Variants in LRSAM1 observed in about 807,000 individuals in gnomAD.
The protein encoded by LRSAM1 is E3 ubiquitin-protein ligase LRSAM1.
Under a neutral mutation model 118.1 loss-of-function variants are expected in LRSAM1, and 96 were observed. The observed-to-expected ratio is 0.81, with a 90% CI of 0.69 to 0.96. The LOEUF (loss-of-function observed/expected upper bound fraction) is 0.96, where lower values mean the gene tolerates loss of function less well. LRSAM1 is among the 40% of genes least tolerant of loss of function. The probability of loss-of-function intolerance (pLI) is 0.00; values close to 1 mark genes in which losing one functional copy is unlikely to be tolerated. For synonymous variants in LRSAM1, 322 were observed against 364.2 expected (o/e 0.88, Z 1.32); for missense variants, 804 against 915.5 (o/e 0.88, Z 1.57).
intron 25 of LRSAM1, 75 bp downstream of exon 25, chr9:127,501,218 T>A: frequency 6.4e-7 from 1 of 1,552,342 alleles, no homozygotes; most frequent in Non-Finnish European, 8.7e-7. Flanking sequence ...TACAGGGTTG[T>A]CTCTGAACGT....
At position 127,483,042 on chromosome 9, in the gene LRSAM1, T is replaced by A. The variant is rs777564847; in HGVS notation, c.1159+22T>A. The A allele has an allele frequency of 3.6e-5, 58 of 1,605,892 alleles. No homozygotes were observed. The East Asian group carries it at 1.3e-3, about 35-fold the overall frequency. The stretch of plus-strand genomic sequence containing the variant: ...GCCTGTGAGTTTTGGGATGGGGAGC[T>A]TGTGAGCACGCTGCCTGCTGGCTGG... On this transcript the variant is annotated intron_variant, in intron 16 of 25. Coordinates refer to ENST00000300417, the MANE Select transcript of LRSAM1 (RefSeq NM_001005373.4).
intron 21 of LRSAM1, among the ~76,000 whole-genome samples, chr9:127,494,769 A>G (rs1298356473): frequency 6.6e-6 from 1 of 151,698 alleles, no homozygotes; most frequent in Non-Finnish European, 1.5e-5. Flanking sequence ...CGTGGTGAAA[A>G]CCCCATCTGT....
chr9:127,479,446 AC>A lies in LRSAM1; in HGVS notation c.847del (p.Gln283SerfsTer28). The part of the protein sequence containing the change: ...RRLELGQREH[T>X]QLLQQSSSQK... ...CCTGGAACTGGGGCAGCGGGAGCAC[AC>A]CCAGCTCCTTCAGCAGAGCAGCAGC... On this transcript the variant is annotated frameshift_variant, in exon 13 of 26. Transcript: ENST00000300417. LOFTEE classifies it high-confidence loss of function. The A allele has an allele frequency of 6.2e-7, 1 of 1,614,100 alleles. No homozygotes were observed. The highest frequency in any genetic ancestry group is 2.2e-5 in the East Asian group (1 of 44,870).
At chr9:127,459,847 C>G (rs1198939066) in intron 7 of LRSAM1, among the ~76,000 whole-genome samples, 1 of 152,252 alleles carries the variant, frequency 6.6e-6, no homozygotes, top group Admixed American at 6.5e-5. Context: ...GCATGAGCCA[C>G]TGCACCTGGC....
Position 127,461,699 on chromosome 9 carries a change from C to T in LRSAM1, c.406+442C>T, listed in dbSNP as rs564675432. Among the ~76,000 whole-genome samples, 15 of 152,304 alleles carry T rather than the reference C, an allele frequency of 9.8e-5. 1 individual carries two copies. Among genetic ancestry groups the T allele is most frequent in the South Asian group, 6.2e-4 (3 of 4,830 alleles). Reference sequence around the variant, plus strand: ...GTTTACACACGAGGAAAACAAGGCCCGGGAAATCAAGTGTGACTTGCTCAA... The same window carrying T: ...GTTTACACACGAGGAAAACAAGGCCTGGGAAATCAAGTGTGACTTGCTCAA... On this transcript the variant is annotated intron_variant, in intron 8 of 25. Coordinates refer to ENST00000300417, the MANE Select transcript of LRSAM1 (RefSeq NM_001005373.4).
chr9:127,462,477 C>T, intron 9 of LRSAM1, 104 bp downstream of exon 9: 1 of 1,565,936 alleles, frequency 6.4e-7, no homozygotes, highest in East Asian at 2.3e-5. Context: ...ACCAGGGCCA[C>T]ACAGAGATCC....
Position 127,459,049 on chromosome 9 carries a change from TG to T in LRSAM1, c.303del (p.Gln102SerfsTer2), listed in dbSNP as rs35854322. ...DNQLTALPDD[L>X]GQLTALQVLN... Reference sequence around the variant, plus strand: ...CAGCTGACAGCCCTTCCTGACGATCTGGGGCAGCTGACTGCCCTCCAGGTAA... The same window carrying T: ...CAGCTGACAGCCCTTCCTGACGATCTGGGCAGCTGACTGCCCTCCAGGTAA... On this transcript the variant is annotated frameshift_variant, in exon 7 of 26. Transcript: ENST00000300417. LOFTEE classifies it high-confidence loss of function. 6.2e-7 allele frequency: 1 copy of T among 1,613,758 alleles called. No homozygotes were observed.
intron 10 of LRSAM1, among the ~76,000 whole-genome samples, chr9:127,472,801 C>G (rs1157296370): frequency 6.6e-6 from 1 of 152,156 alleles, no homozygotes; most frequent in East Asian, 1.9e-4. Context: ...AAACTGGTCA[C>G]AGGATTTCAT....
intron 24 of LRSAM1, among the ~76,000 whole-genome samples, chr9:127,498,804 A>G (rs1294120134): frequency 6.6e-6 from 1 of 152,070 alleles, no homozygotes; most frequent in Non-Finnish European, 1.5e-5. Context: ...CACACCTGTA[A>G]TCCCAGCACT....
chr9:127,493,533 G>A (rs928778517), intron 21 of LRSAM1, among the ~76,000 whole-genome samples: 4 of 152,112 alleles, frequency 2.6e-5, no homozygotes, highest in African/African-American at 4.8e-5. Flanking sequence ...AAGGCTGTCC[G>A]TGGCCCCTAT....
In LRSAM1 at chr9:127,478,968, G is replaced by GA. The variant is rs2132060965; in HGVS notation, c.780+9dup. 2.5e-6 allele frequency: 4 copies of GA among 1,613,186 alleles called. No homozygotes were observed. The highest frequency in any genetic ancestry group is 3.4e-6 in the Non-Finnish European group (4 of 1,179,098). ...TCAGACTATGAGAAGAGGAAGGTAA[G>GA]AAAATGCCTTTACCCTTCTGTCACT... On this transcript the variant is annotated splice_donor_region_variant and intron_variant, in intron 12 of 25. Transcript: ENST00000300417.
intron 18 of LRSAM1, among the ~76,000 whole-genome samples, chr9:127,488,977 C>G (rs1200689698): frequency 1.3e-5 from 2 of 152,092 alleles, no homozygotes; most frequent in Non-Finnish European, 2.9e-5. Flanking sequence ...GTTTGTCATC[C>G]CACCCTGCTC....
At position 127,483,014 on chromosome 9, in the gene LRSAM1, G is replaced by A. The variant is rs373570877; in HGVS notation, c.1153G>A (p.Val385Ile). The A allele has an allele frequency of 8.4e-5, 135 of 1,604,106 alleles. No individual in the cohort carries two copies. In the Middle Eastern group the frequency reaches 1.7e-3, roughly 20 times the overall value. Residue 385 changes from valine (V) to isoleucine (I), a missense_variant, in exon 16 of 26, where the codon GTT (valine) becomes ATT (isoleucine). Coordinates refer to ENST00000300417, the MANE Select transcript of LRSAM1 (RefSeq NM_001005373.4). ...EETESLRRRD[V>I]ASAMQQMLTE... ...GACTGAGAGCCTGCGGCGACGTGAC[G>A]TTGCCTGTGAGTTTTGGGATGGGGA...
At chr9:127,453,515 G>C (rs1221682380) in intron 2 of LRSAM1, 1 of 152,368 alleles carries the variant, frequency 6.6e-6, no homozygotes, top group Non-Finnish European at 1.5e-5. Flanking sequence ...AGCTCCCTGA[G>C]GTCCTGGCTG....
intron 13 of LRSAM1, 92 bp downstream of exon 13, chr9:127,479,597 C>A (rs2132062995): frequency 1.9e-6 from 3 of 1,561,088 alleles, no homozygotes; most frequent in East Asian, 2.3e-5. Context: ...TGTGGAAAGG[C>A]AGTGGGATGA....
intron 9 of LRSAM1, 120 bp downstream of exon 9, chr9:127,462,493 C>G: frequency 6.6e-7 from 1 of 1,515,336 alleles, no homozygotes; most frequent in Non-Finnish European, 9.1e-7. Context: ...GATCCCAAGG[C>G]ATGGTCCTTG....
Position 127,502,933 on chromosome 9 carries a change from C to T in LRSAM1, c.*34C>T, listed in dbSNP as rs1190540904. On this transcript the variant is annotated 3_prime_UTR_variant, in exon 26 of 26. Coordinates refer to ENST00000300417, the MANE Select transcript of LRSAM1 (RefSeq NM_001005373.4). Reference sequence around the variant, plus strand: ...CGCCCACCTGGGCCTGGTCCTAGCCCTGCCTCGGCCACTGTGAGCCCCGGG... The same window carrying T: ...CGCCCACCTGGGCCTGGTCCTAGCCTTGCCTCGGCCACTGTGAGCCCCGGG... The T allele has an allele frequency of 1.3e-6, 2 of 1,566,932 alleles. No individual in the cohort carries two copies. Among genetic ancestry groups the T allele is most frequent in the African/African-American group, 2.7e-5 (2 of 73,674 alleles).
At chr9:127,474,038 C>G (rs1835270826) in intron 11 of LRSAM1, 107 bp downstream of exon 11, 1 of 1,532,544 alleles carries the variant, frequency 6.5e-7, no homozygotes, top group African/African-American at 1.4e-5. Flanking sequence ...AGAGCTGCAG[C>G]TCCCAGATTC....
At chr9:127,484,285 C>CTTTTTTTTTTTT (rs1301004172) in intron 16 of LRSAM1, among the ~76,000 whole-genome samples, 15 of 141,856 alleles carry the variant, frequency 1.1e-4, no homozygotes, top group Non-Finnish European at 1.5e-4. Flanking sequence ...TTTTTTCCTG[C>CTTTTTTTTTTTT]TTCTTTATTT....
Sources: gnomAD v4.1 joint callset for allele counts (sites outside exome capture counted in the v4.1 genomes callset) on GRCh38, gnomAD v4.1.1 for gene constraint, MANE v1.5 for transcripts, NCBI Gene and HGNC (gene_info 2026-07-23, HGNC 2026-07-21) for gene names.